Variants in MYPN observed in about 807,000 individuals in gnomAD.
MYPN encodes the protein myopalladin, also known as sarcomeric protein myopalladin, 145 kDa (MYOP).
Under a neutral mutation model 129.4 loss-of-function variants are expected in MYPN, and 63 were observed. That is an observed-to-expected ratio of 0.49 (90% confidence interval 0.40 to 0.60). MYPN has a LOEUF of 0.60. Ranked by LOEUF, MYPN falls within the 20% of genes least tolerant of loss-of-function variation. The pLI is 0.00. For synonymous variants in MYPN, 629 were observed against 600.9 expected (o/e 1.05, Z -0.68); for missense variants, 1,596 against 1,635.4 (o/e 0.98, Z 0.42).
intron 6 of MYPN, 197 bp from the exon 7 acceptor site, chr10:68,158,289 G>A (rs959218922): frequency 2.0e-5 from 12 of 585,772 alleles, no homozygotes; most frequent in Non-Finnish European, 3.3e-5. Context: ...AGCCACGCTC[G>A]CCTGCTAGAG....
intron 10 of MYPN, among the ~76,000 whole-genome samples, chr10:68,170,047 TCA>T (rs2043121993): frequency 6.6e-6 from 1 of 152,128 alleles, no homozygotes; most frequent in African/African-American, 2.4e-5. Flanking sequence ...CAGACAAAAG[TCA>T]CACTCTTGAT....
chr10:68,210,576 C>T lies in MYPN; in HGVS notation c.*121C>T. 1.7e-6 allele frequency: 2 copies of T among 1,183,172 alleles called. No homozygotes were observed. Among genetic ancestry groups the T allele is most frequent in the Non-Finnish European group, 2.5e-6 (2 of 803,658 alleles). The allele number at this position is 1,183,172 out of a possible 1,614,324, so 73.3% of individuals were successfully genotyped here. On this transcript the variant is annotated 3_prime_UTR_variant, in exon 20 of 20. Transcript: ENST00000358913. Reference sequence around the variant, plus strand: ...AGTTCCCACACTGCTGGACCTGTGGCAAAGAGTGCTTTGAATAAGTCAGCT... The same window carrying T: ...AGTTCCCACACTGCTGGACCTGTGGTAAAGAGTGCTTTGAATAAGTCAGCT...
At position 68,121,524 on chromosome 10, in the gene MYPN, A is replaced by G; in HGVS notation, c.86A>G (p.Asn29Ser). The change falls in exon 2 of 20, where the codon AAC (asparagine) becomes AGC (serine). Residue 29 changes from asparagine (N) to serine (S), a missense_variant. By Grantham distance (46) the Asn-to-Ser change is conservative. Transcript: ENST00000358913. ...SYLAETRHRG[N>S]NERSRAEPSS... is the part of the protein sequence containing the mutation. ...TTAGCTGAAACCAGACATCGGGGAAACAATGAGAGGAGTCGAGCGGAGCCC... is the reference window on the plus strand; with the variant it reads ...TTAGCTGAAACCAGACATCGGGGAAGCAATGAGAGGAGTCGAGCGGAGCCC... 1 of 1,614,220 alleles carries G rather than the reference A, an allele frequency of 6.2e-7. No homozygotes were observed.
chr10:68,134,852 G>A (rs1404406697), intron 2 of MYPN, among the ~76,000 whole-genome samples: 1 of 151,824 alleles, frequency 6.6e-6, no homozygotes, highest in Non-Finnish European at 1.5e-5. Flanking sequence ...GGTAAGGGGT[G>A]GTATTGATGT....
rs1264194527 is a variant in MYPN at position 68,124,173 on chromosome 10, T to C, written c.902+1833T>C. On this transcript the variant is annotated intron_variant, in intron 2 of 19. Transcript: ENST00000358913. ...TTTTAAAGGAGCCCTTCCACATTTA[T>C]GAGCTTCAGGTCCCACAAAACCTGG... Among the ~76,000 whole-genome samples the C allele has an allele frequency of 2.0e-5, 3 of 152,220 alleles. No homozygotes were observed. In the East Asian group the frequency reaches 5.8e-4, roughly 29 times the overall value.
At chr10:68,130,926 A>G (rs1011946519) in intron 2 of MYPN, among the ~76,000 whole-genome samples, 1 of 152,236 alleles carries the variant, frequency 6.6e-6, no homozygotes. Context: ...CTCATCATAA[A>G]TTGAAATTCC....
chr10:68,211,539 T>G lies in MYPN; in HGVS notation c.*1084T>G. 1 of 454,016 alleles carries G rather than the reference T, an allele frequency of 2.2e-6. No homozygotes were observed. The highest frequency in any genetic ancestry group is 4.4e-6 in the Non-Finnish European group (1 of 226,776). 28.1% of individuals were successfully genotyped at this position (454,016 alleles called of 1,614,324 possible). On this transcript the variant is annotated 3_prime_UTR_variant, in exon 20 of 20. Coordinates refer to ENST00000358913, the MANE Select transcript of MYPN (RefSeq NM_032578.4). ...TCTATGTAGAGAATATTCTGCTAGG[T>G]GGAAAAGTTGGGAGAAAGGGGAATA...
At chr10:68,188,849 A>G in intron 12 of MYPN, 56 bp from the exon 13 acceptor site, 1 of 1,460,220 alleles carries the variant, frequency 6.8e-7, no homozygotes, top group Non-Finnish European at 9.5e-7. Flanking sequence ...AATTGTACTG[A>G]TGGACATGTT....
At chr10:68,103,983 T>C (rs967752366), upstream of MYPN, among the ~76,000 whole-genome samples, 3 of 152,168 alleles carry the variant, frequency 2.0e-5, no homozygotes, top group African/African-American at 7.2e-5. Context: ...GGCTTAGGTT[T>C]GAATCTACTC....
At chr10:68,161,789 A>T (rs757104150) in intron 8 of MYPN, 37 bp downstream of exon 8, 4 of 1,502,376 alleles carry the variant, frequency 2.7e-6, no homozygotes, top group Admixed American at 1.7e-5. Flanking sequence ...TTAGTATATG[A>T]GTGATTTTAT....
upstream of MYPN, among the ~76,000 whole-genome samples, chr10:68,102,806 A>G (rs1161708140): frequency 6.6e-6 from 1 of 152,224 alleles, no homozygotes; most frequent in East Asian, 1.9e-4. Flanking sequence ...GACTTATAAT[A>G]GATTTATCCC....
chr10:68,150,090 T>G lies in MYPN; in HGVS notation c.1296T>G (p.Ile432Met). The change falls in exon 6 of 20, where the codon ATT (isoleucine) becomes ATG (methionine). Residue 432 changes from isoleucine (I) to methionine (M), a missense_variant. Ile to Met is a conservative substitution (Grantham distance 10). Coordinates refer to ENST00000358913, the MANE Select transcript of MYPN (RefSeq NM_032578.4). ...YLQGLDGKPIIAAPVFTKMLQ... is the reference protein window; with the variant it reads ...YLQGLDGKPIMAAPVFTKMLQ... ...AGGGATTGGATGGAAAACCTATCATTGCAGCTCCTGTGTTTACAAAGGTAA... is the reference window on the plus strand; with the variant it reads ...AGGGATTGGATGGAAAACCTATCATGGCAGCTCCTGTGTTTACAAAGGTAA... The G allele has an allele frequency of 1.2e-6, 2 of 1,613,834 alleles. No individual in the cohort carries two copies. The highest frequency in any genetic ancestry group is 1.7e-6 in the Non-Finnish European group (2 of 1,179,764).
chr10:68,135,013 A>G (rs947721784), intron 2 of MYPN, among the ~76,000 whole-genome samples: 8 of 151,996 alleles, frequency 5.3e-5, no homozygotes, highest in African/African-American at 1.7e-4. Context: ...GTACAGTGCC[A>G]TGATCTTGGC....
At chr10:68,160,687 C>T (rs1306741933) in intron 7 of MYPN, among the ~76,000 whole-genome samples, 3 of 152,030 alleles carry the variant, frequency 2.0e-5, no homozygotes, top group African/African-American at 7.2e-5. Flanking sequence ...GAGGCTGAGG[C>T]GGGCGGATCA....
chr10:68,122,136 C>T lies in MYPN; in HGVS notation c.698C>T (p.Ala233Val). 1 of 1,613,660 alleles carries T rather than the reference C, an allele frequency of 6.2e-7. No individual in the cohort carries two copies. ...EVNHALEQQE[A>V]KRREAEQAAS... ...AATCACGCCCTGGAACAGCAGGAAGCCAAGAGGCGTGAAGCGGAGCAGGCT... is the reference window on the plus strand; with the variant it reads ...AATCACGCCCTGGAACAGCAGGAAGTCAAGAGGCGTGAAGCGGAGCAGGCT... Residue 233 changes from alanine to valine, a missense_variant, in exon 2 of 20, where the codon GCC becomes GTC. Ala to Val is a moderately conservative substitution (Grantham distance 64). Transcript: ENST00000358913.
At chr10:68,128,392 A>G (rs2042357745) in intron 2 of MYPN, among the ~76,000 whole-genome samples, 1 of 152,228 alleles carries the variant, frequency 6.6e-6, no homozygotes, top group Admixed American at 6.5e-5. Context: ...TTTGTCTACA[A>G]GTAGTGTAGG....
Position 68,171,309 on chromosome 10 carries a change from T to C in MYPN, c.1974-2757T>C, listed in dbSNP as rs1017747167. Among the ~76,000 whole-genome samples, 13 of 152,306 alleles carry C rather than the reference T, an allele frequency of 8.5e-5. 1 individual carries two copies. The East Asian group carries it at 2.3e-3, about 27-fold the overall frequency. On this transcript the variant is annotated intron_variant, in intron 10 of 19. Coordinates refer to ENST00000358913, the MANE Select transcript of MYPN (RefSeq NM_032578.4). ...AGTCAGAATATACTAGGAAAGCCTATGCTTTGGGGCCAAATGTTTCTTTAG... is the reference window on the plus strand; with the variant it reads ...AGTCAGAATATACTAGGAAAGCCTACGCTTTGGGGCCAAATGTTTCTTTAG...
intron 12 of MYPN, among the ~76,000 whole-genome samples, chr10:68,182,450 A>AC (rs2043347400): frequency 2.2e-4 from 19 of 86,438 alleles, no homozygotes; most frequent in Middle Eastern, 6.0e-3. Flanking sequence ...ACATATATAT[A>AC]ACATATATAT....
At chr10:68,136,703 T>C (rs929513215) in intron 2 of MYPN, 2 of 1,535,402 alleles carry the variant, frequency 1.3e-6, no homozygotes, top group African/African-American at 2.7e-5. Context: ...GCTATCCAAT[T>C]GCTCATAGAT....
Sources: allele counts gnomAD v4.1 joint callset (sites outside exome capture counted in the v4.1 genomes callset), GRCh38; gene constraint gnomAD v4.1.1; transcripts MANE v1.5; gene names NCBI Gene and HGNC (gene_info 2026-07-23, HGNC 2026-07-21).